PCDHGA5: variants seen among roughly 807,000 people sequenced by gnomAD.
The protein encoded by PCDHGA5 is protocadherin gamma-A5.
Under a neutral mutation model 56.7 loss-of-function variants are expected in PCDHGA5, and 36 were observed. The observed-to-expected ratio is 0.64, with a 90% CI of 0.49 to 0.84. The LOEUF (loss-of-function observed/expected upper bound fraction) is 0.84. Ranked by LOEUF, PCDHGA5 falls within the 40% of genes least tolerant of loss-of-function variation. The pLI is 0.00. For missense variants in PCDHGA5, 1,305 were observed against 1,201.5 expected (o/e 1.09, Z -1.27); for synonymous variants, 563 against 520.2 (o/e 1.08, Z -1.12).
In PCDHGA5 at chr5:141,431,320, C is replaced by A. The variant is rs993831541; in HGVS notation, c.2422-63487C>A. ...CCCTCATCGTGCAAAATGGAGCCGA[C>A]GGTAGTAAGTACCCCGAATTGGTGC... On this transcript the variant is annotated intron_variant, in intron 1 of 3. Transcript: ENST00000518069. This position sits in a 1 kb window ranked among gnomAD's most constrained non-coding sequence, Gnocchi z 4.8. 1 of 1,614,102 alleles carries A rather than the reference C, an allele frequency of 6.2e-7. No individual in the cohort carries two copies. The highest frequency in any genetic ancestry group is 1.7e-5 in the Admixed American group (1 of 60,032).
intron 1 of PCDHGA5, among the ~76,000 whole-genome samples, chr5:141,433,408 A>ATCTATCTATCTATCT (rs1413347413): frequency 7.9e-6 from 1 of 127,280 alleles, no homozygotes; most frequent in African/African-American, 2.9e-5. Flanking sequence ...TCTATCTATT[A>ATCTATCTATCTATCT]CTTTCTTGTA....
Position 141,431,818 on chromosome 5 carries a change from C to T in PCDHGA5, c.2422-62989C>T, listed in dbSNP as rs201311339. On this transcript the variant is annotated intron_variant, in intron 1 of 3. Coordinates refer to ENST00000518069, the MANE Select transcript of PCDHGA5 (RefSeq NM_018918.3). This position sits in a 1 kb window ranked among gnomAD's most constrained non-coding sequence, Gnocchi z 4.8. ...CAGAAGTGGTCCTCACCTCTCTCGCCAGCTCGGTTCCCGAAAACTCTCCCA... is the reference window on the plus strand; with the variant it reads ...CAGAAGTGGTCCTCACCTCTCTCGCTAGCTCGGTTCCCGAAAACTCTCCCA... 130 of 1,614,122 alleles carry T rather than the reference C, an allele frequency of 8.1e-5. No homozygotes were observed. Among genetic ancestry groups the T allele is most frequent in the Non-Finnish European group, 1.0e-4 (121 of 1,180,040 alleles).
chr5:141,401,408 A>T (rs943963302), intron 1 of PCDHGA5, among the ~76,000 whole-genome samples: 9 of 152,200 alleles, frequency 5.9e-5, no homozygotes, highest in African/African-American at 1.7e-4. Context: ...TATGAGAGAG[A>T]AAGAGAGAGA....
intron 1 of PCDHGA5, chr5:141,418,786 TGAA>T: frequency 1.2e-6 from 2 of 1,613,854 alleles, no homozygotes; most frequent in Non-Finnish European, 8.5e-7. Flanking sequence ...CTTTGGATTT[TGAA>T]GAAGTAGAAA....
intron 1 of PCDHGA5, chr5:141,427,783 C>T (rs765131117): frequency 1.4e-6 from 2 of 1,460,966 alleles, no homozygotes; most frequent in Non-Finnish European, 1.9e-6. Flanking sequence ...CGGGCACTGT[C>T]GTCCTACGTG....
In PCDHGA5 at chr5:141,372,716, T is replaced by C. The variant is rs1305256970; in HGVS notation, c.2421+5965T>C. The C allele has an allele frequency of 1.9e-6, 3 of 1,613,946 alleles. No homozygotes were observed. The East Asian group carries it at 6.7e-5, about 36-fold the overall frequency. ...AATTTCTCAATATAAAGGCTGAAAATGCTGCACCACAAGATCTTCTATGTG... is the reference window on the plus strand; with the variant it reads ...AATTTCTCAATATAAAGGCTGAAAACGCTGCACCACAAGATCTTCTATGTG... On this transcript the variant is annotated intron_variant, in intron 1 of 3. Coordinates refer to ENST00000518069, the MANE Select transcript of PCDHGA5 (RefSeq NM_018918.3).
chr5:141,449,562 C>T (rs1374591292), intron 1 of PCDHGA5, among the ~76,000 whole-genome samples: 1 of 143,862 alleles, frequency 7.0e-6, no homozygotes, highest in East Asian at 2.0e-4. Context: ...GCACTCCAGC[C>T]TGGGCGACAG....
intron 3 of PCDHGA5, 56 bp from the exon 4 acceptor site, chr5:141,510,891 G>A (rs945706652): frequency 8.7e-6 from 14 of 1,612,762 alleles, no homozygotes; most frequent in Middle Eastern, 1.6e-4. Flanking sequence ...ATATAAGACA[G>A]TGACTGTTGA....
At chr5:141,409,904 G>A in intron 1 of PCDHGA5, 3 of 1,613,278 alleles carry the variant, frequency 1.9e-6, no homozygotes, top group Non-Finnish European at 2.5e-6. Flanking sequence ...CCCAGCTCTG[G>A]GTCCTGACGG....
chr5:141,372,626 C>A lies in PCDHGA5; in HGVS notation c.2421+5875C>A, dbSNP rs1385028650. Reference sequence around the variant, plus strand: ...TACCTGGAGTTCTCCCCACCTACAGCGAAAGGACTTTGCCTTATTCCTACA... The same window carrying A: ...TACCTGGAGTTCTCCCCACCTACAGAGAAAGGACTTTGCCTTATTCCTACA... On this transcript the variant is annotated intron_variant, in intron 1 of 3. Coordinates refer to ENST00000518069, the MANE Select transcript of PCDHGA5 (RefSeq NM_018918.3). 5 of 1,613,792 alleles carry A rather than the reference C, an allele frequency of 3.1e-6. No individual in the cohort carries two copies. The African/African-American group carries it at 6.7e-5, about 22-fold the overall frequency.
chr5:141,383,913 A>G, intron 1 of PCDHGA5: 1 of 1,613,990 alleles, frequency 6.2e-7, no homozygotes, highest in Non-Finnish European at 8.5e-7. Flanking sequence ...TCACAGTTTT[A>G]GATGTAAATG....
rs1780458671 is a variant in PCDHGA5 at position 141,384,757 on chromosome 5, G to C, written c.2421+18006G>C. Reference sequence around the variant, plus strand: ...CAGCGAGCCAGGACTCTTTGCGGTTGGGCTGTACACGGGCGAGGTGCGCAC... The same window carrying C: ...CAGCGAGCCAGGACTCTTTGCGGTTCGGCTGTACACGGGCGAGGTGCGCAC... On this transcript the variant is annotated intron_variant, in intron 1 of 3. Transcript: ENST00000518069. 7 of 1,613,872 alleles carry C rather than the reference G, an allele frequency of 4.3e-6. No individual in the cohort carries two copies. The East Asian group carries it at 1.6e-4, about 36-fold the overall frequency.
At chr5:141,450,998 T>C (rs2098703513) in intron 1 of PCDHGA5, among the ~76,000 whole-genome samples, 1 of 151,696 alleles carries the variant, frequency 6.6e-6, no homozygotes, top group Non-Finnish European at 1.5e-5. Flanking sequence ...CTAATTTTTT[T>C]GTATTTTTTT....
chr5:141,494,845 C>G lies in PCDHGA5; in HGVS notation c.2460C>G (p.Ala820=), dbSNP rs747484430. The part of the protein sequence containing the change: ...PPNTDWRFSQ[A]QRPGTSGSQN... Reference sequence around the variant, plus strand: ...ACACGGACTGGCGTTTCTCTCAGGCCCAGAGACCCGGCACCAGCGGGTAGG... The same window carrying G: ...ACACGGACTGGCGTTTCTCTCAGGCGCAGAGACCCGGCACCAGCGGGTAGG... The change falls in exon 2 of 4, where the codon GCC becomes GCG. Residue 820 remains alanine, a synonymous_variant. Transcript: ENST00000518069. 1.2e-6 allele frequency: 2 copies of G among 1,614,144 alleles called. No individual in the cohort carries two copies. The highest frequency in any genetic ancestry group is 1.7e-6 in the Non-Finnish European group (2 of 1,180,028).
chr5:141,463,373 GTCTGAAAGTT>G (rs1463437299), intron 1 of PCDHGA5, among the ~76,000 whole-genome samples: 1 of 147,058 alleles, frequency 6.8e-6, no homozygotes, highest in Non-Finnish European at 1.5e-5. Context: ...CTGCCCCACA[GTCTGAAAGTT>G]GTCTCCAGGC....
rs771411620 is a variant in PCDHGA5, at chr5:141,485,551, G to A, written c.2422-9256G>A. ...GAGCAGAGGTAGAGATCGTAGATGT[G>A]AATGATCACGCCCCCCGTTTTCCGC... On this transcript the variant is annotated intron_variant, in intron 1 of 3. Transcript: ENST00000518069. This position sits in a 1 kb window ranked among gnomAD's most constrained non-coding sequence, Gnocchi z 5.7. 1.9e-6 allele frequency: 3 copies of A among 1,613,958 alleles called. No individual in the cohort carries two copies. Among genetic ancestry groups the A allele is most frequent in the Admixed American group, 1.7e-5 (1 of 60,006 alleles).
chr5:141,385,125 C>T (rs1206430746), intron 1 of PCDHGA5: 7 of 1,614,212 alleles, frequency 4.3e-6, no homozygotes, highest in Non-Finnish European at 8.5e-7. Context: ...ACTTTGTGGG[C>T]ATGGACGGGG....
intron 1 of PCDHGA5, chr5:141,478,533 C>G: frequency 6.2e-7 from 1 of 1,608,070 alleles, no homozygotes; most frequent in African/African-American, 1.3e-5. Context: ...GCAGAGAGCG[C>G]CCCTCCCGGA....
Position 141,392,774 on chromosome 5 carries a change from C to A in PCDHGA5, c.2421+26023C>A, listed in dbSNP as rs752798314. The A allele has an allele frequency of 2.0e-6, 3 of 1,520,452 alleles. No homozygotes were observed. The South Asian group carries it at 3.9e-5, about 20-fold the overall frequency. The allele number at this position is 1,520,452 out of a possible 1,614,324, so 94.2% of individuals were successfully genotyped here. A position where few individuals can be genotyped will look rare whatever the true frequency, so the allele number is the denominator to read the frequency against. On this transcript the variant is annotated intron_variant, in intron 1 of 3. Coordinates refer to ENST00000518069, the MANE Select transcript of PCDHGA5 (RefSeq NM_018918.3). ...AGAAACTAAATAAGACCCATTTATG[C>A]ACAGTGAAGATTCTGAGAGGATTCT...
Sources: gnomAD v4.1 joint callset for allele counts (sites outside exome capture counted in the v4.1 genomes callset) on GRCh38, gnomAD v4.1.1 for gene constraint, Gnocchi (gnomAD v3.1) non-coding constraint, MANE v1.5 for transcripts, NCBI Gene and HGNC (gene_info 2026-07-23, HGNC 2026-07-21) for gene names.